The following CSTF3 variants were observed in gnomAD, a reference collection of about 807,000 sequenced individuals.
The protein encoded by CSTF3 is CF-1 77 kDa subunit.
In CSTF3, 29 loss-of-function variants were observed where a neutral mutation model predicts 105.8. The observed-to-expected ratio is 0.27, with a 90% confidence interval of 0.20 to 0.37. The LOEUF is 0.37. Among genes scored for constraint, CSTF3 ranks in the 10% least tolerant of loss-of-function variants. The probability of loss-of-function intolerance (pLI) is 1.00; values close to 1 mark genes in which losing one functional copy is unlikely to be tolerated. For missense variants in CSTF3, 357 were observed against 879.3 expected (o/e 0.41, Z 7.51); for synonymous variants, 252 against 281.9 (o/e 0.89, Z 1.06).
chr11:33,152,922 C>T (rs1267061340), intron 1 of CSTF3, among the ~76,000 whole-genome samples: 2 of 151,738 alleles, frequency 1.3e-5, no homozygotes, highest in South Asian at 4.2e-4. Flanking sequence ...CGCACCACTG[C>T]ACTCCAGCCT....
At chr11:33,155,409 C>T (rs1186157321) in intron 1 of CSTF3, among the ~76,000 whole-genome samples, 2 of 150,734 alleles carry the variant, frequency 1.3e-5, no homozygotes, top group East Asian at 3.9e-4. Context: ...AAGATCTTGG[C>T]TTAACATATT....
At chr11:33,116,762 A>G (rs1341608762) in intron 3 of CSTF3, among the ~76,000 whole-genome samples, 1 of 152,136 alleles carries the variant, frequency 6.6e-6, no homozygotes, top group Non-Finnish European at 1.5e-5. Context: ...GGGAGAATAC[A>G]GAGGTGGCTT....
chr11:33,145,730 C>G (rs1319013674), intron 1 of CSTF3, among the ~76,000 whole-genome samples: 1 of 151,786 alleles, frequency 6.6e-6, no homozygotes, highest in Non-Finnish European at 1.5e-5. Flanking sequence ...AAGAGAATAG[C>G]GTGAACCTGG....
intron 10 of CSTF3, among the ~76,000 whole-genome samples, chr11:33,101,650 T>C (rs889635384): frequency 3.3e-5 from 5 of 152,204 alleles, no homozygotes; most frequent in African/African-American, 1.2e-4. Flanking sequence ...ATCTACAGTC[T>C]TTACAATGTT....
In CSTF3 at chr11:33,099,556, C is replaced by CTATA. The variant is rs1855259313; in HGVS notation, c.936+48_936+51dup. ...AGTTATATTTTTCAGTAAATAATTG[C>CTATA]TATATCAAAACCACAAAAATATCAA... On this transcript the variant is annotated intron_variant, in intron 11 of 20. Transcript: ENST00000323959. The surrounding 1 kb of genome is among the most constrained non-coding windows in gnomAD (Gnocchi z 4.1). 3.5e-6 allele frequency: 4 copies of CTATA among 1,157,552 alleles called. No homozygotes were observed. The highest frequency in any genetic ancestry group is 5.0e-6 in the Non-Finnish European group (4 of 797,404). The allele number at this position is 1,157,552 out of a possible 1,614,324, so 71.7% of individuals were successfully genotyped here.
At chr11:33,125,431 A>G (rs1334597175) in intron 3 of CSTF3, among the ~76,000 whole-genome samples, 3 of 152,182 alleles carry the variant, frequency 2.0e-5, no homozygotes, top group Non-Finnish European at 4.4e-5. Flanking sequence ...CAGAAAGGGT[A>G]TGAATAAGCT....
chr11:33,157,069 C>T (rs920141175), intron 1 of CSTF3, among the ~76,000 whole-genome samples: 21 of 151,812 alleles, frequency 1.4e-4, no homozygotes, highest in African/African-American at 4.8e-4. Context: ...ACAAACACCA[C>T]AGGCTGGGCG....
chr11:33,116,970 G>A (rs1272672311), intron 3 of CSTF3, among the ~76,000 whole-genome samples: 1 of 151,572 alleles, frequency 6.6e-6, no homozygotes, highest in East Asian at 1.9e-4. Context: ...GAGAGTTGCT[G>A]TAAAGTTTAC....
intron 3 of CSTF3, among the ~76,000 whole-genome samples, chr11:33,137,032 C>G (rs918201876): frequency 2.6e-5 from 4 of 151,604 alleles, no homozygotes; most frequent in Admixed American, 6.6e-5. Flanking sequence ...TATCATAAAC[C>G]TTTTTCCACA....
rs1849941798 is a variant in CSTF3, at chr11:33,161,399, C to T, written c.-74G>A. The T allele has an allele frequency of 1.3e-6, 2 of 1,543,796 alleles. No individual in the cohort carries two copies. Among genetic ancestry groups the T allele is most frequent in the African/African-American group, 1.4e-5 (1 of 73,564 alleles). On this transcript the variant is annotated 5_prime_UTR_variant, in exon 1 of 21. The change creates a new upstream start codon in the 5' untranslated region. Transcript: ENST00000323959. The stretch of plus-strand genomic sequence containing the variant: ...AAAAGAAAAATTAAACTAAAAACCA[C>T]CCCCAAATCAGTAAAGTTACCCCCT...
chr11:33,096,264 TTTAATA>T (rs767444935), intron 15 of CSTF3, 36 bp downstream of exon 15: 1 of 1,281,526 alleles, frequency 7.8e-7, no homozygotes, highest in South Asian at 1.4e-5. Flanking sequence ...TTCCACATGG[TTTAATA>T]TTAAGTAATC....
At chr11:33,124,740 A>C (rs1855526603) in intron 3 of CSTF3, among the ~76,000 whole-genome samples, 1 of 152,184 alleles carries the variant, frequency 6.6e-6, no homozygotes, top group South Asian at 2.1e-4. Flanking sequence ...GGACATGTTC[A>C]AAAATGCATG....
chr11:33,093,487 G>A (rs966493976), intron 15 of CSTF3, among the ~76,000 whole-genome samples: 2 of 151,954 alleles, frequency 1.3e-5, no homozygotes, highest in Non-Finnish European at 2.9e-5. Context: ...GAACACTACT[G>A]TCCATCAGCA....
chr11:33,087,608 G>T (rs1336446355), intron 17 of CSTF3, among the ~76,000 whole-genome samples: 4 of 152,232 alleles, frequency 2.6e-5, no homozygotes, highest in Non-Finnish European at 5.9e-5. Context: ...CTAATGCAAT[G>T]AAAAATTATT....
chr11:33,085,017 C>G lies in CSTF3; in HGVS notation c.*70G>C. ...CAAGAACCTTGTAACAAAGCGTTGT[C>G]TCTTTTAAACATACCACTTGAGGCA... On this transcript the variant is annotated 3_prime_UTR_variant, in exon 21 of 21. Transcript: ENST00000323959. The G allele has an allele frequency of 1.3e-6, 2 of 1,516,378 alleles. No homozygotes were observed. Among genetic ancestry groups the G allele is most frequent in the Non-Finnish European group, 1.8e-6 (2 of 1,093,232 alleles). 93.9% of individuals were successfully genotyped at this position (1,516,378 alleles called of 1,614,324 possible). A position where few individuals can be genotyped will look rare whatever the true frequency, so the allele number is the denominator to read the frequency against.
chr11:33,143,653 G>C (rs1855741295), intron 1 of CSTF3, among the ~76,000 whole-genome samples: 1 of 152,052 alleles, frequency 6.6e-6, no homozygotes, highest in South Asian at 2.1e-4. Context: ...GGAAGGCTGA[G>C]GCACAAGAAT....
intron 1 of CSTF3, among the ~76,000 whole-genome samples, chr11:33,150,068 A>C (rs1855838723): frequency 6.6e-6 from 1 of 151,814 alleles, no homozygotes; most frequent in Non-Finnish European, 1.5e-5. Context: ...AACAAAAATT[A>C]GCGGGGCGTG....
rs114601686 is a variant in CSTF3 at position 33,151,611 on chromosome 11, T to C, written c.28-9625A>G. Among the ~76,000 whole-genome samples, 1,195 of 152,340 alleles carry C rather than the reference T, an allele frequency of 7.8e-3. 22 individuals are homozygous for C. Among genetic ancestry groups the C allele is most frequent in the African/African-American group, 0.028 (1,149 of 41,574 alleles). On this transcript the variant is annotated intron_variant, in intron 1 of 20. Coordinates refer to ENST00000323959, the MANE Select transcript of CSTF3 (RefSeq NM_001326.3). ...TGTTTATGTATCAGCCGATGGACTT[T>C]GGATTGTTTCCAGTTTTGGCTATTA...
intron 3 of CSTF3, among the ~76,000 whole-genome samples, chr11:33,114,658 C>T (rs1855413413): frequency 6.6e-6 from 1 of 152,010 alleles, no homozygotes; most frequent in Admixed American, 6.6e-5. Flanking sequence ...CGAGACCAGC[C>T]TGGACAACAT....
Sources: gnomAD v4.1 joint callset for allele counts (sites outside exome capture counted in the v4.1 genomes callset) on GRCh38, gnomAD v4.1.1 for gene constraint, Gnocchi (gnomAD v3.1) non-coding constraint, MANE v1.5 for transcripts, NCBI Gene and HGNC (gene_info 2026-07-23, HGNC 2026-07-21) for gene names.